Variants in AMBRA1 observed in about 807,000 individuals in gnomAD.
AMBRA1 encodes the protein autophagy and beclin 1 regulator 1.
Under a neutral mutation model 125.4 loss-of-function variants are expected in AMBRA1, and 47 were observed. That is an observed-to-expected ratio of 0.37 (90% confidence interval 0.30 to 0.48). AMBRA1 has a LOEUF of 0.48. Ranked by LOEUF, AMBRA1 falls within the 20% of genes least tolerant of loss-of-function variation. The pLI is 0.99. For missense variants in AMBRA1, 1,331 were observed against 1,693.4 expected (o/e 0.79, Z 3.76); for synonymous variants, 626 against 655.5 (o/e 0.95, Z 0.69).
chr11:46,585,696 ATATAT>A lies in AMBRA1; in HGVS notation c.-121+8127_-121+8131del, dbSNP rs1172953599. On this transcript the variant is annotated intron_variant, in intron 1 of 17. Transcript: ENST00000683756. The stretch of plus-strand genomic sequence containing the variant: ...AAAAAAAAAAAAAAAAAAAAAAAAA[ATATAT>A]ATATATATATATATATATATATTCC... Among the ~76,000 whole-genome samples the A allele has an allele frequency of 3.1e-3, 50 of 16,096 alleles. 1 individual carries two copies. The highest frequency in any genetic ancestry group is 4.0e-3 in the Non-Finnish European group (33 of 8,178). 10.6% of individuals were successfully genotyped at this position (16,096 alleles called of 152,430 possible).
chr11:46,442,968 T>C (rs541975748), intron 12 of AMBRA1, among the ~76,000 whole-genome samples: 2 of 152,292 alleles, frequency 1.3e-5, no homozygotes, highest in African/African-American at 4.8e-5. Flanking sequence ...GTGATCCGCC[T>C]GCCTTGGCCT....
intron 7 of AMBRA1, among the ~76,000 whole-genome samples, chr11:46,519,877 C>A (rs995806125): frequency 6.6e-6 from 1 of 152,120 alleles, no homozygotes; most frequent in African/African-American, 2.4e-5. Flanking sequence ...CGGTGGCTCA[C>A]GCCTGTAATC....
At chr11:46,503,471 G>A (rs563832262) in intron 9 of AMBRA1, among the ~76,000 whole-genome samples, 324 of 152,222 alleles carry the variant, frequency 2.1e-3, no homozygotes, top group Middle Eastern at 6.8e-3. Flanking sequence ...TAATAATAAT[G>A]AAAACATCTG....
At chr11:46,471,533 G>A (rs997572514) in intron 11 of AMBRA1, among the ~76,000 whole-genome samples, 6 of 151,478 alleles carry the variant, frequency 4.0e-5, no homozygotes, top group Middle Eastern at 3.2e-3. Context: ...AGCCGAGATC[G>A]CCCCACTGCA....
intron 9 of AMBRA1, among the ~76,000 whole-genome samples, chr11:46,505,558 T>C (rs569739382): frequency 4.6e-5 from 7 of 151,306 alleles, no homozygotes; most frequent in Non-Finnish European, 8.8e-5. Context: ...ATGAGAGAAA[T>C]CAGTCCATTG....
At chr11:46,545,543 T>C (rs1952977541) in intron 5 of AMBRA1, 61 bp downstream of exon 5, 3 of 1,557,782 alleles carry the variant, frequency 1.9e-6, no homozygotes, top group East Asian at 4.6e-5. Context: ...TGACAGCCAG[T>C]AGAATGTTCT....
intron 1 of AMBRA1, among the ~76,000 whole-genome samples, chr11:46,561,723 GA>G (rs1307087787): frequency 2.6e-5 from 4 of 152,282 alleles, no homozygotes; most frequent in Admixed American, 2.0e-4. Context: ...GAGGCTTCAA[GA>G]AAAGAAGTCA....
chr11:46,578,739 G>A (rs1240328639), intron 1 of AMBRA1, among the ~76,000 whole-genome samples: 1 of 151,592 alleles, frequency 6.6e-6, no homozygotes, highest in Non-Finnish European at 1.5e-5. Flanking sequence ...AAATTAGCCA[G>A]GCATGGTGGC....
chr11:46,451,538 T>C (rs1948595790), intron 11 of AMBRA1, among the ~76,000 whole-genome samples: 1 of 152,128 alleles, frequency 6.6e-6, no homozygotes, highest in Non-Finnish European at 1.5e-5. Flanking sequence ...GATTCAACAG[T>C]TCAGTGAAGA....
rs968207266 is a variant in AMBRA1, at chr11:46,429,035, T to C, written c.2976+4439A>G. 4.3e-6 allele frequency: 7 copies of C among 1,611,500 alleles called. No homozygotes were observed. In the African/African-American group the frequency reaches 9.3e-5, roughly 22 times the overall value. ...CTTCATGACATGAAGGTTGGGCACATTCTTGTCTGCCAGCTCCGGGTGCTT... is the reference window on the plus strand; with the variant it reads ...CTTCATGACATGAAGGTTGGGCACACTCTTGTCTGCCAGCTCCGGGTGCTT... On this transcript the variant is annotated intron_variant, in intron 14 of 17. Transcript: ENST00000683756.
At chr11:46,399,132 T>G (rs1009267917) in intron 17 of AMBRA1, among the ~76,000 whole-genome samples, 24 of 152,068 alleles carry the variant, frequency 1.6e-4, no homozygotes, top group Admixed American at 1.6e-3. Context: ...TGGAGTGCAA[T>G]GATGCGATCT....
chr11:46,503,505 TGACA>T (rs933842168), intron 9 of AMBRA1, among the ~76,000 whole-genome samples: 5 of 152,302 alleles, frequency 3.3e-5, no homozygotes, highest in African/African-American at 1.2e-4. Flanking sequence ...ATTACCAGTG[TGACA>T]GACAGACACA....
chr11:46,428,750 G>T (rs915609536), intron 14 of AMBRA1: 97 of 1,610,416 alleles, frequency 6.0e-5, no homozygotes, highest in Non-Finnish European at 7.5e-5. Flanking sequence ...GTCGGCACCA[G>T]GTGGCACAGC....
intron 14 of AMBRA1, among the ~76,000 whole-genome samples, chr11:46,423,757 A>ATTTTTTTTTT (rs538298573): frequency 2.0e-5 from 2 of 98,904 alleles, no homozygotes; most frequent in African/African-American, 4.4e-5. Context: ...CAGTGCACCC[A>ATTTTTTTTTT]TTTTTTTTTT....
intron 9 of AMBRA1, among the ~76,000 whole-genome samples, chr11:46,502,002 T>C (rs1950858097): frequency 6.6e-6 from 1 of 152,234 alleles, no homozygotes; most frequent in Non-Finnish European, 1.5e-5. Context: ...CTAAGCCATT[T>C]TGTAAAGACA....
intron 11 of AMBRA1, among the ~76,000 whole-genome samples, chr11:46,457,294 A>G (rs1948889773): frequency 6.6e-6 from 1 of 152,198 alleles, no homozygotes; most frequent in African/African-American, 2.4e-5. Context: ...ACCCAGCGAC[A>G]GACAGGCTAA....
At position 46,400,178 on chromosome 11, in the gene AMBRA1, G is replaced by A. The variant is rs567674579; in HGVS notation, c.3404-2235C>T. Among the ~76,000 whole-genome samples the A allele has an allele frequency of 2.0e-4, 31 of 152,304 alleles. No individual in the cohort carries two copies. The South Asian group carries it at 4.4e-3, about 21-fold the overall frequency. On this transcript the variant is annotated intron_variant, in intron 17 of 17. Transcript: ENST00000683756. ...ACTATGATCAAGGCTCTGAGGCTGC[G>A]AGGGATGGCTCCACTGAACTGCTGA...
Position 46,574,798 on chromosome 11 carries a change from T to C in AMBRA1, c.-121+19030A>G, listed in dbSNP as rs2043895347. Among the ~76,000 whole-genome samples the C allele has an allele frequency of 2.0e-5, 3 of 152,340 alleles. No homozygotes were observed. In the South Asian group the frequency reaches 6.2e-4, roughly 32 times the overall value. On this transcript the variant is annotated intron_variant, in intron 1 of 17. Coordinates refer to ENST00000683756, the MANE Select transcript of AMBRA1 (RefSeq NM_001387011.1). Reference sequence around the variant, plus strand: ...AAGACTCTGCTTTCTCCATCTCAGCTCTACCATTTGCCAGCTGTATAACCT... The same window carrying C: ...AAGACTCTGCTTTCTCCATCTCAGCCCTACCATTTGCCAGCTGTATAACCT...
At chr11:46,506,309 G>T (rs1157869427) in intron 9 of AMBRA1, among the ~76,000 whole-genome samples, 1 of 152,164 alleles carries the variant, frequency 6.6e-6, no homozygotes, top group Non-Finnish European at 1.5e-5. Context: ...GCTACTTCAG[G>T]CCATCCCTGC....
Sources: gnomAD v4.1 joint callset for allele counts (sites outside exome capture counted in the v4.1 genomes callset) on GRCh38, gnomAD v4.1.1 for gene constraint, MANE v1.5 for transcripts, NCBI Gene and HGNC (gene_info 2026-07-23, HGNC 2026-07-21) for gene names.